The following ERGIC1 variants were observed in gnomAD, a reference collection of about 807,000 sequenced individuals.
The protein encoded by ERGIC1 is endoplasmic reticulum-golgi intermediate compartment 1, also known as endoplasmic reticulum-Golgi intermediate compartment protein 1.
Under a neutral mutation model 38.3 loss-of-function variants are expected in ERGIC1, and 19 were observed. The ratio of observed to expected loss-of-function variants is 0.50; its 90% confidence interval spans 0.35 to 0.73. The LOEUF (loss-of-function observed/expected upper bound fraction) is 0.73, where lower values mean the gene tolerates loss of function less well. ERGIC1 is among the 30% of genes least tolerant of loss of function. The pLI, the probability that ERGIC1 is intolerant of heterozygous loss-of-function variation, is 0.01. For synonymous variants in ERGIC1, 124 were observed against 157.6 expected (o/e 0.79, Z 1.60); for missense variants, 294 against 389.2 (o/e 0.76, Z 2.06).
intron 1 of ERGIC1, among the ~76,000 whole-genome samples, chr5:172,872,280 C>T (rs1762034518): frequency 6.6e-6 from 1 of 152,124 alleles, no homozygotes; most frequent in Admixed American, 6.5e-5. Context: ...TCCTGAACCT[C>T]AGTTTTATTT....
intron 1 of ERGIC1, among the ~76,000 whole-genome samples, chr5:172,864,825 C>T (rs571298584): frequency 2.0e-5 from 3 of 151,474 alleles, no homozygotes; most frequent in African/African-American, 4.8e-5. Context: ...CCACGTTTTG[C>T]GTATCAGGCC....
chr5:172,923,958 C>G lies in ERGIC1; in HGVS notation c.376-47C>G, dbSNP rs777637919. 11 of 1,565,784 alleles carry G rather than the reference C, an allele frequency of 7.0e-6. No homozygotes were observed. The South Asian group carries it at 1.1e-4, about 16-fold the overall frequency. On this transcript the variant is annotated intron_variant, in intron 5 of 9. Transcript: ENST00000393784. ...CAGGGTGAGGCCCCAATGTTCCGCCCCCTGGAGAAGTCAACCAAACTCCTG... is the reference window on the plus strand; with the variant it reads ...CAGGGTGAGGCCCCAATGTTCCGCCGCCTGGAGAAGTCAACCAAACTCCTG...
intron 9 of ERGIC1, among the ~76,000 whole-genome samples, chr5:172,941,765 C>T (rs142624674): frequency 3.3e-5 from 5 of 152,336 alleles, no homozygotes; most frequent in South Asian, 2.1e-4. Flanking sequence ...AAAAAGCCGA[C>T]GTCCATCTAA....
intron 1 of ERGIC1, among the ~76,000 whole-genome samples, chr5:172,857,762 T>C (rs192318253): frequency 7.0e-4 from 107 of 152,224 alleles, no homozygotes; most frequent in African/African-American, 2.3e-3. Context: ...CCCGGGTTCT[T>C]GTCTTACAGC....
At chr5:172,925,170 G>A (rs1763622836) in intron 6 of ERGIC1, among the ~76,000 whole-genome samples, 1 of 152,036 alleles carries the variant, frequency 6.6e-6, no homozygotes, top group African/African-American at 2.4e-5. Context: ...CCTGGGAGGT[G>A]GAGATTGCAG....
intron 1 of ERGIC1, among the ~76,000 whole-genome samples, chr5:172,882,160 G>A (rs1164254262): frequency 1.3e-5 from 2 of 152,180 alleles, no homozygotes; most frequent in Non-Finnish European, 1.5e-5. Context: ...TGGCTCTGTG[G>A]CGTGGGAATG....
chr5:172,887,887 G>A (rs1327737189), intron 1 of ERGIC1, among the ~76,000 whole-genome samples: 3 of 152,190 alleles, frequency 2.0e-5, no homozygotes, highest in Non-Finnish European at 2.9e-5. Context: ...GCTGGGGGGT[G>A]CAGCCGGAGT....
intron 7 of ERGIC1, chr5:172,931,108 C>T (rs774368138): frequency 3.3e-5 from 5 of 152,080 alleles, no homozygotes; most frequent in East Asian, 3.8e-4. Context: ...AGGACTGACT[C>T]GACTCTGCGA....
chr5:172,864,484 G>T (rs893507892), intron 1 of ERGIC1, among the ~76,000 whole-genome samples: 1 of 151,508 alleles, frequency 6.6e-6, no homozygotes, highest in Non-Finnish European at 1.5e-5. Context: ...GGCCAGGCTG[G>T]GTCTCAAACT....
intron 1 of ERGIC1, among the ~76,000 whole-genome samples, chr5:172,885,693 C>T (rs1762399785): frequency 6.6e-6 from 1 of 152,068 alleles, no homozygotes; most frequent in South Asian, 2.1e-4. Flanking sequence ...AGACCCCTCC[C>T]GCTGCAGCCC....
rs537641173 is a variant in ERGIC1 at position 172,879,239 on chromosome 5, A to G, written c.21-9460A>G. On this transcript the variant is annotated intron_variant, in intron 1 of 9. Transcript: ENST00000393784. The stretch of plus-strand genomic sequence containing the variant: ...AAATTACAGATGAAATCCATTAGTC[A>G]GACATTTCCAGCGGCAGTTTCCTTG... 9.8e-5 allele frequency among the ~76,000 whole-genome samples: 15 copies of G among 152,378 alleles called. 1 individual carries two copies. The South Asian group carries it at 2.9e-3, about 29-fold the overall frequency.
chr5:172,949,665 T>A (rs570143), intron 9 of ERGIC1, among the ~76,000 whole-genome samples: 1 of 146,176 alleles, frequency 6.8e-6, no homozygotes. Context: ...CGGGGGGGGG[T>A]ATGATTGGCA....
At chr5:172,923,072 TAGG>T (rs1222194207) in intron 5 of ERGIC1, among the ~76,000 whole-genome samples, 29 of 149,046 alleles carry the variant, frequency 1.9e-4, no homozygotes, top group African/African-American at 4.7e-4. Context: ...TCTGAGCATC[TAGG>T]AGGAGGAGGA....
intron 5 of ERGIC1, among the ~76,000 whole-genome samples, 188 bp from the exon 6 acceptor site, chr5:172,923,817 G>A (rs892942626): frequency 2.0e-5 from 3 of 152,198 alleles, no homozygotes; most frequent in Admixed American, 6.5e-5. Flanking sequence ...CCCCCATTCT[G>A]CAGATGAGGA....
At chr5:172,907,627 C>T (rs1052535433) in intron 3 of ERGIC1, among the ~76,000 whole-genome samples, 2 of 152,110 alleles carry the variant, frequency 1.3e-5, no homozygotes, top group African/African-American at 4.8e-5. Flanking sequence ...CATTCAGTTC[C>T]CCAAAGCAGC....
intron 3 of ERGIC1, among the ~76,000 whole-genome samples, chr5:172,904,637 C>T (rs1458888671): frequency 6.6e-6 from 1 of 152,190 alleles, no homozygotes; most frequent in Admixed American, 6.5e-5. Flanking sequence ...TCTGGCAGCC[C>T]GTTGGCCTTT....
intron 3 of ERGIC1, chr5:172,906,014 G>GT (rs778797078): frequency 9.0e-5 from 41 of 455,528 alleles, no homozygotes; most frequent in South Asian, 6.4e-4. Flanking sequence ...AAAGGTGGGA[G>GT]TGGTCACCTT....
At chr5:172,847,037 C>T (rs1203902998) in intron 1 of ERGIC1, among the ~76,000 whole-genome samples, 6 of 152,292 alleles carry the variant, frequency 3.9e-5, no homozygotes, top group Middle Eastern at 3.4e-3. Flanking sequence ...ATGCAACACA[C>T]GTTTATTTTT....
At chr5:172,928,567 C>G (rs374436822) in intron 7 of ERGIC1, among the ~76,000 whole-genome samples, 42 of 152,352 alleles carry the variant, frequency 2.8e-4, no homozygotes, top group African/African-American at 9.4e-4. Flanking sequence ...ACCTTGTTCT[C>G]CCAGTCATCT....
Sources: allele counts gnomAD v4.1 joint callset (sites outside exome capture counted in the v4.1 genomes callset), GRCh38; gene constraint gnomAD v4.1.1; transcripts MANE v1.5; gene names NCBI Gene and HGNC (gene_info 2026-07-23, HGNC 2026-07-21).